FBXL2: variants seen among roughly 807,000 people sequenced by gnomAD.
FBXL2 encodes the protein F-box/LRR-repeat protein 2.
FBXL2 carries 38 observed loss-of-function variants against 69.2 expected under a neutral mutation model. The ratio of observed to expected loss-of-function variants is 0.55; its 90% CI spans 0.42 to 0.72. The LOEUF (loss-of-function observed/expected upper bound fraction) is 0.72. FBXL2 is among the 30% of genes least tolerant of loss of function. The pLI is 0.00. For synonymous variants in FBXL2, 192 were observed against 201.3 expected (o/e 0.95, Z 0.39); for missense variants, 354 against 520.3 (o/e 0.68, Z 3.11).
At chr3:33,402,879 G>A in intron 12 of FBXL2, 1 of 1,610,814 alleles carries the variant, frequency 6.2e-7, no homozygotes, top group Non-Finnish European at 8.5e-7. Flanking sequence ...CACATAGGCT[G>A]TGGGGGCATC....
At chr3:33,299,709 G>A (rs1031259254) in intron 2 of FBXL2, among the ~76,000 whole-genome samples, 2 of 152,004 alleles carry the variant, frequency 1.3e-5, no homozygotes, top group African/African-American at 2.4e-5. Flanking sequence ...CTCCTTCTCA[G>A]TTGATTAAAA....
At chr3:33,339,623 A>G (rs2125851079) in intron 2 of FBXL2, among the ~76,000 whole-genome samples, 1 of 152,274 alleles carries the variant, frequency 6.6e-6, no homozygotes, top group Non-Finnish European at 1.5e-5. Context: ...TGGATGACAA[A>G]ATAATTTGTA....
chr3:33,337,110 C>T (rs2039649418), intron 2 of FBXL2, among the ~76,000 whole-genome samples: 2 of 152,032 alleles, frequency 1.3e-5, no homozygotes, highest in Non-Finnish European at 1.5e-5. Context: ...GAGGCTGAGG[C>T]AGGAGGATCG....
rs2039333311 is a variant in FBXL2, at chr3:33,333,519, C to G, written c.66-25448C>G. ...GCTCCCATGATAATCATAAAAGTTA[C>G]CAAGTTTTAAAATCATACTTGTTAT... On this transcript the variant is annotated intron_variant, in intron 2 of 14. Coordinates refer to ENST00000484457, the MANE Select transcript of FBXL2 (RefSeq NM_012157.5). 2.0e-5 allele frequency among the ~76,000 whole-genome samples: 3 copies of G among 152,074 alleles called. No individual in the cohort carries two copies. In the South Asian group the frequency reaches 6.2e-4, roughly 32 times the overall value.
At chr3:33,309,596 C>T (rs2037010812) in intron 2 of FBXL2, among the ~76,000 whole-genome samples, 1 of 152,116 alleles carries the variant, frequency 6.6e-6, no homozygotes, top group African/African-American at 2.4e-5. Flanking sequence ...GAATTTAACA[C>T]ATTTACATTA....
chr3:33,382,371 G>C (rs1387980672), intron 13 of FBXL2, among the ~76,000 whole-genome samples: 1 of 152,114 alleles, frequency 6.6e-6, no homozygotes, highest in Non-Finnish European at 1.5e-5. Flanking sequence ...CATGACCCCG[G>C]AAAGGCCCTT....
At chr3:33,419,552 T>C in the FBXL2 span, among the ~76,000 whole-genome samples, 1 of 149,862 alleles carries the variant, frequency 6.7e-6, no homozygotes, top group African/African-American at 2.5e-5. Context: ...CACTTGAACC[T>C]GTGAGGCGGA....
chr3:33,287,965 C>G (rs145534445), intron 1 of FBXL2, among the ~76,000 whole-genome samples: 4 of 152,120 alleles, frequency 2.6e-5, no homozygotes, highest in Admixed American at 2.6e-4. Flanking sequence ...TTTTCCAGTT[C>G]AGACAACCAA....
At position 33,373,169 on chromosome 3, in the gene FBXL2, T is replaced by A; in HGVS notation, c.359+9T>A. 6.2e-7 allele frequency: 1 copy of A among 1,613,756 alleles called. No homozygotes were observed. On this transcript the variant is annotated intron_variant, in intron 6 of 14. Coordinates refer to ENST00000484457, the MANE Select transcript of FBXL2 (RefSeq NM_012157.5). ...ACAAAAATCACTGACAGGTAAGTAA[T>A]GAAGATTAATTGGTGACCAAATAGC...
At chr3:33,379,981 C>T (rs1171866034) in intron 13 of FBXL2, among the ~76,000 whole-genome samples, 2 of 151,944 alleles carry the variant, frequency 1.3e-5, no homozygotes, top group Non-Finnish European at 2.9e-5. Flanking sequence ...ACCTCTAATC[C>T]CAGCACTTTG....
At chr3:33,373,388 T>A in intron 7 of FBXL2, 33 bp downstream of exon 7, 1 of 1,558,106 alleles carries the variant, frequency 6.4e-7, no homozygotes, top group Non-Finnish European at 8.9e-7. Flanking sequence ...TCAAGAGAAA[T>A]ACCCAAAGCT....
chr3:33,281,102 A>G (rs532756575), intron 1 of FBXL2, among the ~76,000 whole-genome samples: 1 of 152,266 alleles, frequency 6.6e-6, no homozygotes, highest in African/African-American at 2.4e-5. Flanking sequence ...CACAACGTGC[A>G]GGTTTGTTAC....
chr3:33,294,817 T>G (rs1458010471), intron 1 of FBXL2, among the ~76,000 whole-genome samples: 1 of 149,918 alleles, frequency 6.7e-6, no homozygotes, highest in East Asian at 1.9e-4. Context: ...TACTCCAGTC[T>G]GACTGATAGA....
chr3:33,385,599 C>T lies in FBXL2; in HGVS notation c.1263C>T (p.Val421=). 1 of 1,613,666 alleles carries T rather than the reference C, an allele frequency of 6.2e-7. No homozygotes were observed. The highest frequency in any genetic ancestry group is 8.5e-7 in the Non-Finnish European group (1 of 1,179,622). ...GSGQRLCRCC[V]IL is the part of the protein sequence containing the mutation. ...GACAGCGACTGTGCAGGTGCTGTGT[C>T]ATTCTCTGACAGCAGCTGCCTGGGC... The change falls in exon 15 of 15, where the codon GTC becomes GTT. Residue 421 remains valine, a synonymous_variant. Transcript: ENST00000484457.
intron 5 of FBXL2, among the ~76,000 whole-genome samples, chr3:33,370,570 G>C (rs543005711): frequency 6.6e-6 from 1 of 151,990 alleles, no homozygotes; most frequent in Non-Finnish European, 1.5e-5. Flanking sequence ...TACATAACAT[G>C]GCTTTGTTTT....
Position 33,384,205 on chromosome 3 carries a change from G to A in FBXL2, c.1164+4G>A. The A allele has an allele frequency of 6.2e-7, 1 of 1,613,458 alleles. No individual in the cohort carries two copies. Among genetic ancestry groups the A allele is most frequent in the African/African-American group, 1.3e-5 (1 of 75,036 alleles). On this transcript the variant is annotated splice_donor_region_variant and intron_variant, in intron 14 of 14. Transcript: ENST00000484457. ...TGCAGGCATCAAGCGGATGCGGGTA[G>A]GTATGGGGCAGGGGAGTCAGTCACA...
chr3:33,403,742 G>C (rs1035632342), downstream of FBXL2: 2 of 152,232 alleles, frequency 1.3e-5, no homozygotes, highest in African/African-American at 4.8e-5. Context: ...GAAAAAGTCA[G>C]TCAAAAGCAT....
chr3:33,299,390 C>T (rs2036062159), intron 2 of FBXL2, among the ~76,000 whole-genome samples: 1 of 152,122 alleles, frequency 6.6e-6, no homozygotes. Context: ...TGCTGACATA[C>T]AATAAGAGAT....
intron 1 of FBXL2, among the ~76,000 whole-genome samples, chr3:33,290,370 A>G (rs773894904): frequency 5.9e-5 from 9 of 152,214 alleles, no homozygotes; most frequent in Non-Finnish European, 1.3e-4. Context: ...GTTCTTTTAT[A>G]CGCAGTATCT....
Sources: allele counts gnomAD v4.1 joint callset (sites outside exome capture counted in the v4.1 genomes callset), GRCh38; gene constraint gnomAD v4.1.1; transcripts MANE v1.5; gene names NCBI Gene and HGNC (gene_info 2026-07-23, HGNC 2026-07-21).